STK25: variants seen among roughly 807,000 people sequenced by gnomAD.
The protein encoded by STK25 is serine/threonine-protein kinase 25.
In STK25, 29 loss-of-function variants were observed where a neutral mutation model predicts 53.8. That is an observed-to-expected ratio of 0.54 (90% CI 0.40 to 0.74). The LOEUF is 0.74. STK25 is among the 30% of genes least tolerant of loss of function. The probability of loss-of-function intolerance (pLI) is 0.00; values close to 1 mark genes in which losing one functional copy is unlikely to be tolerated. For missense variants in STK25, 420 were observed against 568.0 expected, an observed-to-expected ratio of 0.74 and a Z score of 2.65; for synonymous variants, 247 against 238.3, an observed-to-expected ratio of 1.04 and a Z score of -0.33.
In STK25 at chr2:241,493,245, C is replaced by T. The variant is rs1187549096; in HGVS notation, c.*2417G>A. ...CAGGTAGCAGAGGAATGGGCATTCC[C>T]TGTGGCAACCCAGCCCCTGGAACCC... On this transcript the variant is annotated 3_prime_UTR_variant, in exon 12 of 12. Transcript: ENST00000316586. 2.5e-6 allele frequency: 4 copies of T among 1,599,572 alleles called. No homozygotes were observed. Among genetic ancestry groups the T allele is most frequent in the South Asian group, 1.1e-5 (1 of 90,238 alleles).
In STK25 at chr2:241,496,649, A is replaced by G. The variant is rs893480911; in HGVS notation, c.1105-115T>C. 1.4e-4 allele frequency: 177 copies of G among 1,227,868 alleles called. 2 individuals carry two copies. In the South Asian group the frequency reaches 2.5e-3, roughly 17 times the overall value. 76.1% of individuals were successfully genotyped at this position (1,227,868 alleles called of 1,614,324 possible). A position where few individuals can be genotyped will look rare whatever the true frequency, so the allele number is the denominator to read the frequency against. On this transcript the variant is annotated intron_variant, in intron 10 of 11. Coordinates refer to ENST00000316586, the MANE Select transcript of STK25 (RefSeq NM_001271977.2). The surrounding 1 kb of genome is among the most constrained non-coding windows in gnomAD (Gnocchi z 5.8). ...CCTTCAGGGCTCTCGCCTAGGAGCC[A>G]CACCCGGGAGCCCTTCAGCAAGCCG... is the stretch of plus-strand genomic sequence containing the variant.
chr2:241,507,260 C>T (rs1427811018), intron 2 of STK25, among the ~76,000 whole-genome samples: 1 of 152,164 alleles, frequency 6.6e-6, no homozygotes, highest in Non-Finnish European at 1.5e-5. Context: ...CTGACCCCAC[C>T]CTCCTTCCCC....
In STK25 at chr2:241,494,485, C is replaced by G; in HGVS notation, c.*1177G>C. The G allele has an allele frequency of 5.9e-6, 1 of 169,398 alleles. No individual in the cohort carries two copies. The highest frequency in any genetic ancestry group is 1.3e-5 in the Non-Finnish European group (1 of 79,642). 10.5% of individuals were successfully genotyped at this position (169,398 alleles called of 1,614,324 possible). On this transcript the variant is annotated 3_prime_UTR_variant, in exon 12 of 12. Transcript: ENST00000316586. This position sits in a 1 kb window ranked among gnomAD's most constrained non-coding sequence, Gnocchi z 4.9. ...CCTGCCTCTCTCCCCAGAGCAGGGT[C>G]CCTGCCGAGGACTGGCCTAGAGCAA... is the stretch of plus-strand genomic sequence containing the variant.
chr2:241,506,826 T>A (rs2065858678), intron 2 of STK25, among the ~76,000 whole-genome samples: 1 of 152,202 alleles, frequency 6.6e-6, no homozygotes, highest in African/African-American at 2.4e-5. Flanking sequence ...AGCACCTTAG[T>A]CATGTAAGTT....
chr2:241,498,441 A>G, intron 8 of STK25, 92 bp from the exon 9 acceptor site: 1 of 1,339,320 alleles, frequency 7.5e-7, no homozygotes, highest in Non-Finnish European at 1.0e-6. Context: ...GGGAAACCCG[A>G]GGTACCAGAC....
Position 241,508,486 on chromosome 2 carries a change from C to T in STK25, c.-144G>A. On this transcript the variant is annotated 5_prime_UTR_variant, in exon 1 of 12. Transcript: ENST00000316586. ...CGGCCTCCCCCGGCCCGCTCTGCAG[C>T]GCCCGCGAAGGCTCCCACCCGCAGC... is the stretch of plus-strand genomic sequence containing the variant. The T allele has an allele frequency of 9.6e-7, 1 of 1,036,840 alleles. No homozygotes were observed. The highest frequency in any genetic ancestry group is 1.2e-6 in the Non-Finnish European group (1 of 861,178). The allele number at this position is 1,036,840 out of a possible 1,614,324, so 64.2% of individuals were successfully genotyped here.
chr2:241,505,951 C>T (rs951305353), intron 2 of STK25, among the ~76,000 whole-genome samples: 2 of 152,258 alleles, frequency 1.3e-5, no homozygotes, highest in African/African-American at 4.8e-5. Context: ...CACATTAGCC[C>T]TGGGGCTGCC....
At position 241,498,969 on chromosome 2, in the gene STK25, G is replaced by A. The variant is rs377642916; in HGVS notation, c.771+20C>T. The A allele has an allele frequency of 1.4e-5, 22 of 1,613,168 alleles. No individual in the cohort carries two copies. The highest frequency in any genetic ancestry group is 4.5e-5 in the East Asian group (2 of 44,864). The stretch of plus-strand genomic sequence containing the variant: ...CTCCACGTCCTGTCTAGAAGGGACC[G>A]GGCCAGAGGCGGGCCTTACGAATCG... On this transcript the variant is annotated intron_variant, in intron 7 of 11. Coordinates refer to ENST00000316586, the MANE Select transcript of STK25 (RefSeq NM_001271977.2).
Position 241,494,068 on chromosome 2 carries a change from G to T in STK25, c.*1594C>A. 1 of 1,442,612 alleles carries T rather than the reference G, an allele frequency of 6.9e-7. No homozygotes were observed. The highest frequency in any genetic ancestry group is 9.1e-7 in the Non-Finnish European group (1 of 1,100,424). The allele number at this position is 1,442,612 out of a possible 1,614,324, so 89.4% of individuals were successfully genotyped here. A position where few individuals can be genotyped will look rare whatever the true frequency, so the allele number is the denominator to read the frequency against. ...CCGGGAGGGCCCCAAGCATCGTGCA[G>T]GATGGCCCCCAACCCTCCTCAGGGC... On this transcript the variant is annotated 3_prime_UTR_variant, in exon 12 of 12. Coordinates refer to ENST00000316586, the MANE Select transcript of STK25 (RefSeq NM_001271977.2). The surrounding 1 kb of genome is among the most constrained non-coding windows in gnomAD (Gnocchi z 4.9).
chr2:241,497,395 C>T lies in STK25; in HGVS notation c.1104+221G>A, dbSNP rs1574938295. 7.2e-5 allele frequency: 39 copies of T among 544,338 alleles called. No homozygotes were observed. The South Asian group carries it at 9.6e-4, about 13-fold the overall frequency. The allele number at this position is 544,338 out of a possible 1,614,324, so 33.7% of individuals were successfully genotyped here. ...TGTTTGCACCTGAAGAAAAAAAAGT[C>T]ACCCTAGGAACCCAGAGAACCTTGG... On this transcript the variant is annotated intron_variant, in intron 10 of 11. Transcript: ENST00000316586.
chr2:241,509,021 A>C (rs564756823), upstream of STK25, among the ~76,000 whole-genome samples: 2 of 152,216 alleles, frequency 1.3e-5, no homozygotes, highest in East Asian at 3.9e-4. Flanking sequence ...ACGAGGATCC[A>C]CCGCGGCCGC....
Position 241,497,598 on chromosome 2 carries a change from T to G in STK25, c.1104+18A>C, listed in dbSNP as rs776375978. 1.9e-6 allele frequency: 3 copies of G among 1,612,674 alleles called. No homozygotes were observed. The highest frequency in any genetic ancestry group is 1.6e-4 in the Middle Eastern group (1 of 6,084). On this transcript the variant is annotated intron_variant, in intron 10 of 11. Coordinates refer to ENST00000316586, the MANE Select transcript of STK25 (RefSeq NM_001271977.2). ...GTCCTTGACGGGACTCCAGGCCCAG[T>G]CCCAGCCCCATCCTCACCTCTCCGA...
upstream of STK25, chr2:241,508,811 C>G: frequency 1.1e-6 from 1 of 947,070 alleles, no homozygotes; most frequent in Non-Finnish European, 1.3e-6. Context: ...GCAGGCCGCG[C>G]GCCTGGGCGG....
In STK25 at chr2:241,496,505, C is replaced by A. The variant is rs1461994905; in HGVS notation, c.1134G>T (p.Gly378=). The A allele has an allele frequency of 6.2e-7, 1 of 1,613,666 alleles. No homozygotes were observed. Among genetic ancestry groups the A allele is most frequent in the Non-Finnish European group, 8.5e-7 (1 of 1,179,956 alleles). The change falls in exon 11 of 12, where the codon GGG becomes GGT. Residue 378 remains glycine, a synonymous_variant. Coordinates refer to ENST00000316586, the MANE Select transcript of STK25 (RefSeq NM_001271977.2). The surrounding 1 kb of genome is among the most constrained non-coding windows in gnomAD (Gnocchi z 5.8). The stretch of plus-strand genomic sequence containing the variant: ...CCAGCTCCTCCAGCGCACCCACGCT[C>A]CCGCCGCTCTGCTTGTGCTTCTCTT... ...ELKEKHKQSG[G]SVGALEELEN...
chr2:241,499,257 C>T lies in STK25; in HGVS notation c.585G>A (p.Lys195=). Residue 195 remains lysine (K), a splice_region_variant and synonymous_variant, in exon 6 of 12, where the codon AAG becomes AAA. Coordinates refer to ENST00000316586, the MANE Select transcript of STK25 (RefSeq NM_001271977.2). ...GCACCTGCCCGCCCGCTGCACCCAC[C>T]TTGAAGTCGTAGGCCGACTGCTTGA... ...EVIKQSAYDF[K]ADIWSLGITA... is the part of the protein sequence containing the mutation. The T allele has an allele frequency of 6.2e-7, 1 of 1,613,994 alleles. No individual in the cohort carries two copies. Among genetic ancestry groups the T allele is most frequent in the Non-Finnish European group, 8.5e-7 (1 of 1,179,990 alleles).
intron 5 of STK25, chr2:241,499,713 G>A (rs1259523749): frequency 1.9e-6 from 1 of 515,168 alleles, no homozygotes; most frequent in Non-Finnish European, 3.5e-6. Context: ...AGGTGACCCT[G>A]ACCAAGGGTG....
At chr2:241,505,998 C>CA (rs1186636395) in intron 2 of STK25, among the ~76,000 whole-genome samples, 1 of 152,234 alleles carries the variant, frequency 6.6e-6, no homozygotes, top group Non-Finnish European at 1.5e-5. Context: ...TGTCTGCTGT[C>CA]AGTGTTGCCC....
Position 241,501,634 on chromosome 2 carries a change from G to A in STK25, c.105C>T (p.Tyr35=). The A allele has an allele frequency of 6.2e-7, 1 of 1,614,102 alleles. No homozygotes were observed. Among genetic ancestry groups the A allele is most frequent in the Non-Finnish European group, 8.5e-7 (1 of 1,180,040 alleles). Residue 35 remains tyrosine (Y), a synonymous_variant, in exon 3 of 12, where the codon TAC becomes TAT. Coordinates refer to ENST00000316586, the MANE Select transcript of STK25 (RefSeq NM_001271977.2). The surrounding 1 kb of genome is among the most constrained non-coding windows in gnomAD (Gnocchi z 5.3). Reference sequence around the variant, plus strand: ...CCTTTGTGTGGTTATCGATGCCCTTGTAGACCTCCCCAAACGAGCCCTTGC... The same window carrying A: ...CCTTTGTGTGGTTATCGATGCCCTTATAGACCTCCCCAAACGAGCCCTTGC... ...RIGKGSFGEV[Y]KGIDNHTKEV... is the part of the protein sequence containing the mutation.
At chr2:241,507,959 C>T (rs2065946899) in intron 2 of STK25, 47 bp downstream of exon 2, 2 of 1,528,776 alleles carry the variant, frequency 1.3e-6, no homozygotes, top group South Asian at 1.2e-5. Flanking sequence ...GACTCTGGAG[C>T]CCCTCGGTGA....
Sources: allele counts gnomAD v4.1 joint callset (sites outside exome capture counted in the v4.1 genomes callset), GRCh38; gene constraint gnomAD v4.1.1; non-coding constraint Gnocchi (gnomAD v3.1); transcripts MANE v1.5; gene names NCBI Gene and HGNC (gene_info 2026-07-23, HGNC 2026-07-21).